Variants in NARS2 observed in about 807,000 individuals in gnomAD.
The protein encoded by NARS2 is asparaginyl-tRNA synthetase 2, mitochondrial.
NARS2 carries 60 observed loss-of-function variants against 62.9 expected under a neutral mutation model. The observed-to-expected ratio is 0.95, with a 90% CI of 0.77 to 1.18. NARS2 has a LOEUF of 1.18. Ranked by LOEUF, NARS2 falls within the 50% of genes most tolerant of loss-of-function variation. The probability of loss-of-function intolerance (pLI) is 0.00; values close to 1 mark genes in which losing one functional copy is unlikely to be tolerated. For synonymous variants in NARS2, 196 were observed against 200.0 expected, an observed-to-expected ratio of 0.98 and a Z score of 0.17; for missense variants, 619 against 576.4, an observed-to-expected ratio of 1.07 and a Z score of -0.76.
chr11:78,467,326 G>A (rs999630575), intron 10 of NARS2, among the ~76,000 whole-genome samples: 8 of 152,122 alleles, frequency 5.3e-5, no homozygotes, highest in African/African-American at 1.7e-4. Context: ...AGGAGTGCTT[G>A]AGCACAGAAG....
chr11:78,513,316 T>A lies in NARS2; in HGVS notation c.689+15526A>T, dbSNP rs1359731775. 2.6e-5 allele frequency among the ~76,000 whole-genome samples: 4 copies of A among 151,008 alleles called. No individual in the cohort carries two copies. In the East Asian group the frequency reaches 7.8e-4, roughly 29 times the overall value. ...CCTTATTGTGCAATCAAATATTAAG[T>A]ATAAAATACTAAGGTCTTATTCACT... On this transcript the variant is annotated intron_variant, in intron 6 of 13. Transcript: ENST00000281038.
At chr11:78,499,510 C>T (rs1176719026) in intron 6 of NARS2, among the ~76,000 whole-genome samples, 1 of 152,082 alleles carries the variant, frequency 6.6e-6, no homozygotes, top group African/African-American at 2.4e-5. Context: ...AATTACTAAA[C>T]AAAAAATAAT....
intron 7 of NARS2, among the ~76,000 whole-genome samples, chr11:78,488,524 T>G (rs940712969): frequency 6.6e-6 from 1 of 152,196 alleles, no homozygotes; most frequent in African/African-American, 2.4e-5. Flanking sequence ...TTTAGCAGTG[T>G]TGGATTTCAG....
At chr11:78,551,574 G>T (rs767583791) in intron 5 of NARS2, among the ~76,000 whole-genome samples, 24 of 151,774 alleles carry the variant, frequency 1.6e-4, no homozygotes, top group Non-Finnish European at 3.1e-4. Flanking sequence ...CTCCAGGCTG[G>T]GCGCGGTGGC....
At chr11:78,461,776 C>A (rs1468779057) in intron 11 of NARS2, among the ~76,000 whole-genome samples, 3 of 135,546 alleles carry the variant, frequency 2.2e-5, no homozygotes, top group East Asian at 2.2e-4. Context: ...AAATCCCGTA[C>A]CCACTACAAA....
intron 6 of NARS2, among the ~76,000 whole-genome samples, chr11:78,505,285 C>T (rs1369724273): frequency 1.8e-5 from 2 of 113,154 alleles, no homozygotes; most frequent in Non-Finnish European, 3.6e-5. Flanking sequence ...CACACACACA[C>T]ACACACACAC....
rs1413963011 is a variant in NARS2 at position 78,465,959 on chromosome 11, T to C, written c.1081A>G (p.Asn361Asp). 6.2e-7 allele frequency: 1 copy of C among 1,613,998 alleles called. No homozygotes were observed. Among genetic ancestry groups the C allele is most frequent in the South Asian group, 1.1e-5 (1 of 91,054 alleles). ...HEKYLVKHCGNIPVFVINYPL... is the reference protein window; with the variant it reads ...HEKYLVKHCGDIPVFVINYPL... ...TAATTAATAACGAAGACAGGTATGT[T>C]GCCACAGTGCTTCACCAGGTACTTT... The change falls in exon 11 of 14, where the codon AAC becomes GAC. Residue 361 changes from asparagine (N) to aspartate (D), a missense_variant. Physicochemically the swap from Asn to Asp is conservative, Grantham distance 23. Transcript: ENST00000281038.
intron 9 of NARS2, among the ~76,000 whole-genome samples, chr11:78,470,331 T>G (rs1051287368): frequency 6.6e-6 from 1 of 152,214 alleles, no homozygotes; most frequent in Non-Finnish European, 1.5e-5. Context: ...AATCAAGATG[T>G]ATAAGAGTAT....
rs1281475758 is a variant in NARS2 at position 78,436,683 on chromosome 11, G to A, written c.1421C>T (p.Ser474Leu). ...DVIPFPRFPH[S>L]CLL Reference sequence around the variant, plus strand: ...CCAATCTTCCAGCTATAAAAGGCATGAATGAGGAAACCTTGGGAAAGGGAT... The same window carrying A: ...CCAATCTTCCAGCTATAAAAGGCATAAATGAGGAAACCTTGGGAAAGGGAT... The change falls in exon 14 of 14, where the codon TCA (serine) becomes TTA (leucine). Residue 474 changes from serine to leucine, a missense_variant. By Grantham distance (145) the Ser-to-Leu change is moderately radical. Coordinates refer to ENST00000281038, the MANE Select transcript of NARS2 (RefSeq NM_024678.6). 1 of 1,614,146 alleles carries A rather than the reference G, an allele frequency of 6.2e-7. No homozygotes were observed. The highest frequency in any genetic ancestry group is 2.2e-5 in the East Asian group (1 of 44,876).
Position 78,443,687 on chromosome 11 carries a change from G to GT in NARS2, c.1235dup (p.Tyr412Ter). 1.2e-6 allele frequency: 2 copies of GT among 1,613,038 alleles called. No homozygotes were observed. The highest frequency in any genetic ancestry group is 1.7e-6 in the Non-Finnish European group (2 of 1,179,216). Residue 412 changes from tyrosine (Y) to a stop codon, truncating the protein, a stop_gained and frameshift_variant, in exon 12 of 14, where the codon TAC (tyrosine) becomes TAAC (stop). Transcript: ENST00000281038. LOFTEE classifies it high-confidence loss of function. ...LFGGGLREER[Y>*]HFLEERLARS... ...TGGCTAAGCGCTCCTCTAAGAAATG[G>GT]TATCGTTCTTCTCTGAGGCCTCCTC...
intron 1 of NARS2, 123 bp from the exon 2 acceptor site, chr11:78,571,567 T>TTTTA (rs1856924364): frequency 1.6e-6 from 1 of 641,856 alleles, no homozygotes; most frequent in African/African-American, 1.8e-5. Flanking sequence ...AATCAACTTC[T>TTTTA]TTTAGTTCAC....
At chr11:78,521,598 G>A (rs1348329243) in intron 6 of NARS2, among the ~76,000 whole-genome samples, 3 of 152,006 alleles carry the variant, frequency 2.0e-5, no homozygotes, top group African/African-American at 7.2e-5. Flanking sequence ...AGACCATCCC[G>A]GCTAAAATGG....
At chr11:78,573,741 A>G (rs1467990172) in intron 1 of NARS2, among the ~76,000 whole-genome samples, 2 of 152,248 alleles carry the variant, frequency 1.3e-5, no homozygotes, top group Non-Finnish European at 1.5e-5. Flanking sequence ...GGACTCAGGG[A>G]CAATTATTAT....
At chr11:78,499,072 A>G (rs1860183469) in intron 6 of NARS2, among the ~76,000 whole-genome samples, 1 of 150,936 alleles carries the variant, frequency 6.6e-6, no homozygotes, top group South Asian at 2.1e-4. Context: ...GCCCGCCACC[A>G]CGCCCGGCTA....
intron 6 of NARS2, among the ~76,000 whole-genome samples, chr11:78,518,478 T>C (rs373730057): frequency 3.9e-5 from 6 of 152,272 alleles, no homozygotes; most frequent in East Asian, 3.9e-4. Flanking sequence ...GAATTACATA[T>C]GAAAAAGAAC....
At chr11:78,538,868 G>A (rs939061193) in intron 5 of NARS2, among the ~76,000 whole-genome samples, 11 of 150,564 alleles carry the variant, frequency 7.3e-5, no homozygotes, top group Admixed American at 2.0e-4. Context: ...GGTGGCGGGC[G>A]CCTGTAGTCC....
In NARS2 at chr11:78,478,579, AATTACC is replaced by A; in HGVS notation, c.921_921+5del. The A allele has an allele frequency of 6.3e-7, 1 of 1,581,742 alleles. No homozygotes were observed. Among genetic ancestry groups the A allele is most frequent in the Non-Finnish European group, 8.7e-7 (1 of 1,152,754 alleles). ...TGTATTGGGCTTTATCCATAAAACT[AATTACC>A]TTTTGGCCAGGTGCTATGAATTTGT... On this transcript the variant is annotated splice_donor_variant and splice_donor_5th_base_variant and coding_sequence_variant and intron_variant, in exon 8 of 14. Coordinates refer to ENST00000281038, the MANE Select transcript of NARS2 (RefSeq NM_024678.6). LOFTEE classifies it high-confidence loss of function.
intron 6 of NARS2, among the ~76,000 whole-genome samples, chr11:78,518,935 G>A (rs574030999): frequency 1.3e-5 from 2 of 152,306 alleles, no homozygotes; most frequent in South Asian, 4.1e-4. Context: ...TTTCAGTTGA[G>A]CCTTTAGGAA....
intron 6 of NARS2, among the ~76,000 whole-genome samples, chr11:78,508,984 G>C (rs913290605): frequency 6.6e-6 from 1 of 151,690 alleles, no homozygotes; most frequent in African/African-American, 2.4e-5. Context: ...GTATAGTGGT[G>C]CACGCATGTA....
Sources: gnomAD v4.1 joint callset for allele counts (sites outside exome capture counted in the v4.1 genomes callset) on GRCh38, gnomAD v4.1.1 for gene constraint, MANE v1.5 for transcripts, NCBI Gene and HGNC (gene_info 2026-07-23, HGNC 2026-07-21) for gene names.